The following AKNAD1 variants were observed in gnomAD, a reference collection of about 807,000 sequenced individuals.
AKNAD1 encodes AKNA domain containing 1.
AKNAD1 carries 67 observed loss-of-function variants against 90.8 expected under a neutral mutation model. That is an observed-to-expected ratio of 0.74 (90% CI 0.61 to 0.90). AKNAD1 has a LOEUF of 0.90. Among genes scored for constraint, AKNAD1 ranks in the 40% least tolerant of loss-of-function variants. AKNAD1 has a pLI of 0.00. For missense variants in AKNAD1, 957 were observed against 975.4 expected, an observed-to-expected ratio of 0.98 and a Z score of 0.25; for synonymous variants, 327 against 341.4, an observed-to-expected ratio of 0.96 and a Z score of 0.46.
At chr1:108,846,936 GC>G (rs1664721161) in intron 5 of AKNAD1, among the ~76,000 whole-genome samples, 1 of 151,992 alleles carries the variant, frequency 6.6e-6, no homozygotes, top group Non-Finnish European at 1.5e-5. Flanking sequence ...GGTTACCCAA[GC>G]CAGAAATCTG....
chr1:108,833,765 A>C (rs971162025), intron 9 of AKNAD1, among the ~76,000 whole-genome samples: 2 of 149,400 alleles, frequency 1.3e-5, no homozygotes, highest in African/African-American at 4.9e-5. Context: ...TGCTGAGCTT[A>C]CAGGGTTACT....
chr1:108,851,048 G>A lies in AKNAD1; in HGVS notation c.993+624C>T, dbSNP rs79333323. On this transcript the variant is annotated intron_variant, in intron 2 of 15. Coordinates refer to ENST00000370001, the MANE Select transcript of AKNAD1 (RefSeq NM_152763.5). The stretch of plus-strand genomic sequence containing the variant: ...ATGAATAACTAAGGGCATAACGTAC[G>A]TTAAGACACGAGGCCAGGCCTCTGG... Among the ~76,000 whole-genome samples, 346 of 152,312 alleles carry A rather than the reference G, an allele frequency of 2.3e-3. 1 individual carries two copies. The highest frequency in any genetic ancestry group is 0.01 in the Middle Eastern group (3 of 294).
chr1:108,854,896 C>T (rs542123236), intron 1 of AKNAD1, among the ~76,000 whole-genome samples: 70 of 152,172 alleles, frequency 4.6e-4, no homozygotes, highest in Non-Finnish European at 6.0e-4. Flanking sequence ...TTGTGAGTCT[C>T]GGTTGCCTTT....
At chr1:108,840,395 TC>T (rs1288149982) in intron 6 of AKNAD1, among the ~76,000 whole-genome samples, 1 of 152,132 alleles carries the variant, frequency 6.6e-6, no homozygotes, top group Non-Finnish European at 1.5e-5. Context: ...ATGTGTAAAA[TC>T]TGCATGAAGA....
At chr1:108,826,798 G>A (rs1410020990) in intron 11 of AKNAD1, among the ~76,000 whole-genome samples, 1 of 146,164 alleles carries the variant, frequency 6.8e-6, no homozygotes, top group Non-Finnish European at 1.5e-5. Flanking sequence ...GGAGTACGGT[G>A]GCATGATCAT....
chr1:108,835,192 C>G (rs1023200486), intron 7 of AKNAD1, 136 bp from the exon 8 acceptor site: 6 of 949,430 alleles, frequency 6.3e-6, no homozygotes, highest in Non-Finnish European at 7.5e-6. Flanking sequence ...CCTGTCTCCC[C>G]CAGCTCTTTA....
intron 15 of AKNAD1, among the ~76,000 whole-genome samples, chr1:108,816,626 TG>T (rs1663617497): frequency 6.6e-6 from 1 of 152,068 alleles, no homozygotes; most frequent in African/African-American, 2.4e-5. Flanking sequence ...TGATGGGGAT[TG>T]GGGGGCCATA....
intron 10 of AKNAD1, among the ~76,000 whole-genome samples, chr1:108,827,809 T>G (rs1165612887): frequency 2.4e-4 from 22 of 92,918 alleles, no homozygotes; most frequent in African/African-American, 7.2e-4. Context: ...GCGAGACTCC[T>G]ACTCAAAAAA....
Position 108,851,492 on chromosome 1 carries a change from T to C in AKNAD1, c.993+180A>G, listed in dbSNP as rs564938451. Among the ~76,000 whole-genome samples the C allele has an allele frequency of 7.9e-4, 121 of 152,308 alleles. 1 individual carries two copies. The highest frequency in any genetic ancestry group is 2.8e-3 in the African/African-American group (117 of 41,558). ...TATATGTTTTTGTCAGTGTAGCCTG[T>C]GATGCTTCTCGTGAGGACACTGAGA... On this transcript the variant is annotated intron_variant, in intron 2 of 15. Coordinates refer to ENST00000370001, the MANE Select transcript of AKNAD1 (RefSeq NM_152763.5).
Position 108,843,278 on chromosome 1 carries a change from G to A in AKNAD1, c.1246-11C>T. The stretch of plus-strand genomic sequence containing the variant: ...CAGTTTCTCCAGGACCTGCAGCGGT[G>A]AAGTCACTGGAATCATTCACATGCA... On this transcript the variant is annotated splice_polypyrimidine_tract_variant and intron_variant, in intron 5 of 15. Transcript: ENST00000370001. 1 of 1,612,682 alleles carries A rather than the reference G, an allele frequency of 6.2e-7. No homozygotes were observed. The highest frequency in any genetic ancestry group is 8.5e-7 in the Non-Finnish European group (1 of 1,179,636).
At position 108,849,021 on chromosome 1, in the gene AKNAD1, G is replaced by A. The variant is rs1227904720; in HGVS notation, c.1073C>T (p.Thr358Ile). 3.1e-6 allele frequency: 5 copies of A among 1,609,698 alleles called. No homozygotes were observed. In the African/African-American group the frequency reaches 4.0e-5, roughly 13 times the overall value. The change falls in exon 4 of 16, where the codon ACC becomes ATC. Residue 358 changes from threonine (T) to isoleucine (I), a missense_variant. Coordinates refer to ENST00000370001, the MANE Select transcript of AKNAD1 (RefSeq NM_152763.5). ...ACTTGAGGAAGTGCCTTTCTGAGAG[G>A]TTGGTGACAACTTAGAGAGACTTGC... ...SEASLSKLSP[T>I]SQKGTSSSSS... is the part of the protein sequence containing the mutation.
chr1:108,838,323 C>T (rs1664442957), intron 6 of AKNAD1, among the ~76,000 whole-genome samples: 1 of 148,602 alleles, frequency 6.7e-6, no homozygotes. Context: ...AAGATAGCCC[C>T]CCCCCCAAAA....
In AKNAD1 at chr1:108,851,861, C is replaced by G; in HGVS notation, c.804G>C (p.Val268=). Residue 268 remains valine, a synonymous_variant, in exon 2 of 16, where the codon GTG becomes GTC. Coordinates refer to ENST00000370001, the MANE Select transcript of AKNAD1 (RefSeq NM_152763.5). ...LPDFSKIAPK[V]KIPKNKIINK... ...TAATTATCTTATTTTTAGGAATTTT[C>G]ACTTTGGGAGCAATCTTAGAGAAAT... The G allele has an allele frequency of 6.2e-7, 1 of 1,613,552 alleles. No individual in the cohort carries two copies. Among genetic ancestry groups the G allele is most frequent in the South Asian group, 1.1e-5 (1 of 90,960 alleles).
rs1664871639 is a variant in AKNAD1 at position 108,851,778 on chromosome 1, G to C, written c.887C>G (p.Pro296Arg). Residue 296 changes from proline to arginine, a missense_variant, in exon 2 of 16, where the codon CCC becomes CGC. Pro to Arg is a moderately radical substitution (Grantham distance 103). Transcript: ENST00000370001. ...TTCTAGACTATCTTGCACAAGAGTG[G>C]GTTTATCTCTCGACTTGGAAGAAAA... is the stretch of plus-strand genomic sequence containing the variant. ...ASFSSKSRDK[P>R]TLVQDSLETT... The C allele has an allele frequency of 2.5e-6, 4 of 1,614,026 alleles. No individual in the cohort carries two copies. The highest frequency in any genetic ancestry group is 1.3e-5 in the African/African-American group (1 of 75,008).
At position 108,843,255 on chromosome 1, in the gene AKNAD1, G is replaced by A; in HGVS notation, c.1258C>T (p.Leu420=). Residue 420 remains leucine (L), a synonymous_variant, in exon 6 of 16, where the codon CTG becomes TTG. Coordinates refer to ENST00000370001, the MANE Select transcript of AKNAD1 (RefSeq NM_152763.5). ...TCCAGCAGTTCAAGGTGTCCCTGCA[G>A]TTTCTCCAGGACCTGCAGCGGTGAA... is the stretch of plus-strand genomic sequence containing the variant. ...LQDKKLVLEK[L]QGHLELLEQN... The A allele has an allele frequency of 6.2e-7, 1 of 1,613,880 alleles. No homozygotes were observed. The highest frequency in any genetic ancestry group is 2.2e-5 in the East Asian group (1 of 44,888).
At chr1:108,826,885 G>A (rs572842428) in intron 11 of AKNAD1, among the ~76,000 whole-genome samples, 4 of 150,778 alleles carry the variant, frequency 2.7e-5, no homozygotes, top group African/African-American at 9.7e-5. Flanking sequence ...GACTACAGGC[G>A]TGAGCCACCA....
chr1:108,853,278 C>A (rs1664926514), intron 1 of AKNAD1, among the ~76,000 whole-genome samples: 1 of 151,864 alleles, frequency 6.6e-6, no homozygotes, highest in Non-Finnish European at 1.5e-5. Flanking sequence ...ACTACAGGTG[C>A]CCGCCACCAC....
chr1:108,830,810 A>G, intron 9 of AKNAD1, 160 bp from the exon 10 acceptor site: 1 of 659,250 alleles, frequency 1.5e-6, no homozygotes, highest in East Asian at 2.7e-5. Flanking sequence ...AGGGAGGCGC[A>G]GGGGGACAGG....
At chr1:108,851,520 C>T (rs544516638) in intron 2 of AKNAD1, 152 bp downstream of exon 2, 27 of 623,848 alleles carry the variant, frequency 4.3e-5, no homozygotes, top group East Asian at 2.6e-4. Context: ...CACTGAGAGT[C>T]GGAGTGGCCA....
Sources: allele counts gnomAD v4.1 joint callset (sites outside exome capture counted in the v4.1 genomes callset), GRCh38; gene constraint gnomAD v4.1.1; transcripts MANE v1.5; gene names NCBI Gene and HGNC (gene_info 2026-07-23, HGNC 2026-07-21).